KHDRBS1: variants seen among roughly 807,000 people sequenced by gnomAD.
KHDRBS1 encodes KH RNA binding domain containing, signal transduction associated 1.
Under a neutral mutation model 48.4 loss-of-function variants are expected in KHDRBS1, and 7 were observed. The ratio of observed to expected loss-of-function variants is 0.14; its 90% CI spans 0.08 to 0.27. The LOEUF is 0.27. KHDRBS1 is among the 10% of genes least tolerant of loss of function. KHDRBS1 has a pLI of 1.00. For synonymous variants in KHDRBS1, 241 were observed against 235.8 expected, an observed-to-expected ratio of 1.02 and a Z score of -0.20; for missense variants, 458 against 601.2, an observed-to-expected ratio of 0.76 and a Z score of 2.49.
At chr1:32,017,586 G>A (rs1455457992) in intron 1 of KHDRBS1, among the ~76,000 whole-genome samples, 1 of 142,740 alleles carries the variant, frequency 7.0e-6, no homozygotes, top group Non-Finnish European at 1.5e-5. Context: ...ATAGATACCA[G>A]TGTTCTTTTT....
At chr1:32,021,669 T>C (rs117067875) in intron 1 of KHDRBS1, among the ~76,000 whole-genome samples, 2,015 of 152,120 alleles carry the variant, frequency 0.013, 126 homozygotes, top group Admixed American at 0.096. Context: ...CAGGCTGGAG[T>C]GCAGTAACGC....
At position 32,057,400 on chromosome 1, in the gene KHDRBS1, C is replaced by A. The variant is rs114971816; in HGVS notation, n.1302-2763C>A. 5.7e-3 allele frequency among the ~76,000 whole-genome samples: 860 copies of A among 151,896 alleles called. 10 individuals carry two copies. The highest frequency in any genetic ancestry group is 0.02 in the African/African-American group (828 of 41,410). On this transcript the variant is annotated intron_variant and non_coding_transcript_variant, in intron 10 of 10. Transcript: ENST00000484270. ...CCCAGGCTGGTTTCCAACTCCTAGG[C>A]AAAATTGGTCCTCCTATGTTAACCT...
chr1:32,026,746 C>T (rs1388605201), intron 1 of KHDRBS1, among the ~76,000 whole-genome samples: 3 of 152,110 alleles, frequency 2.0e-5, no homozygotes, highest in Admixed American at 1.3e-4. Flanking sequence ...AATGGTAGCC[C>T]TCGGAAGCAC....
chr1:32,038,716 G>A, intron 7 of KHDRBS1, 97 bp downstream of exon 7: 1 of 1,213,138 alleles, frequency 8.2e-7, no homozygotes, highest in Non-Finnish European at 1.2e-6. Context: ...CTAAGGAGCA[G>A]AATGGTTCGC....
chr1:32,026,737 A>G (rs1370912360), intron 1 of KHDRBS1, among the ~76,000 whole-genome samples: 1 of 152,230 alleles, frequency 6.6e-6, no homozygotes, highest in East Asian at 1.9e-4. Flanking sequence ...GTCTAACTCA[A>G]TGGTAGCCCT....
Position 32,036,963 on chromosome 1 carries a change from T to C in KHDRBS1, c.825T>C (p.Asn275=). 6.2e-7 allele frequency: 1 copy of C among 1,614,110 alleles called. No individual in the cohort carries two copies. Among genetic ancestry groups the C allele is most frequent in the Non-Finnish European group, 8.5e-7 (1 of 1,179,994 alleles). ...AATTTCTAGAGCTGTCCTACTTGAA[T>C]GGAGTACCTGAACCCTCTCGTGGAC... ...QEQFLELSYL[N]GVPEPSRGRG... is the part of the protein sequence containing the mutation. The change falls in exon 5 of 9, where the codon AAT becomes AAC. Residue 275 remains asparagine (N), a synonymous_variant. Transcript: ENST00000327300.
intron 4 of KHDRBS1, among the ~76,000 whole-genome samples, chr1:32,035,701 G>A (rs1334045970): frequency 6.6e-6 from 1 of 152,166 alleles, no homozygotes; most frequent in Admixed American, 6.5e-5. Context: ...TGAGCTTCAG[G>A]TTTCTTGTTC....
At chr1:32,045,378 A>G (rs1272845561), downstream of KHDRBS1, 1 of 152,666 alleles carries the variant, frequency 6.6e-6, no homozygotes, top group African/African-American at 2.4e-5. Context: ...TGGGTAGTGA[A>G]GACCCATGTC....
At chr1:32,046,528 TCTTATA>T (rs1327242475), downstream of KHDRBS1, among the ~76,000 whole-genome samples, 4 of 152,198 alleles carry the variant, frequency 2.6e-5, no homozygotes, top group African/African-American at 9.7e-5. Flanking sequence ...AAAGGATATT[TCTTATA>T]CTTAGGAGGT....
chr1:32,017,778 C>A (rs1569760478), intron 1 of KHDRBS1, among the ~76,000 whole-genome samples: 1 of 151,460 alleles, frequency 6.6e-6, no homozygotes, highest in Non-Finnish European at 1.5e-5. Context: ...CGGCTAATTT[C>A]GTATTTTTAG....
chr1:32,056,466 T>C (rs181368347), intron 10 of KHDRBS1, among the ~76,000 whole-genome samples: 14 of 152,362 alleles, frequency 9.2e-5, no homozygotes, highest in African/African-American at 3.4e-4. Context: ...GATGCCTGAA[T>C]TGGCTGTTCC....
intron 1 of KHDRBS1, among the ~76,000 whole-genome samples, chr1:32,016,909 T>C (rs568699930): frequency 2.0e-5 from 3 of 152,168 alleles, no homozygotes; most frequent in Non-Finnish European, 4.4e-5. Flanking sequence ...TGGCCTCTTA[T>C]TAAATATTTC....
intron 4 of KHDRBS1, 99 bp from the exon 5 acceptor site, chr1:32,036,811 C>T (rs1478544493): frequency 6.7e-6 from 9 of 1,343,696 alleles, no homozygotes. Flanking sequence ...TCTGGGCTCT[C>T]AAGAGCTCTT....
intron 2 of KHDRBS1, among the ~76,000 whole-genome samples, chr1:32,030,918 T>G (rs1639069287): frequency 6.6e-6 from 1 of 152,148 alleles, no homozygotes; most frequent in African/African-American, 2.4e-5. Flanking sequence ...TATAGTCTCT[T>G]CTGTTCTGAG....
intron 10 of KHDRBS1, among the ~76,000 whole-genome samples, chr1:32,058,703 G>A (rs937814297): frequency 6.6e-6 from 1 of 152,114 alleles, no homozygotes; most frequent in East Asian, 1.9e-4. Flanking sequence ...CTCGGGAGGT[G>A]GAGGCAGGAG....
intron 3 of KHDRBS1, among the ~76,000 whole-genome samples, chr1:32,032,083 G>A (rs959476845): frequency 2.0e-5 from 3 of 152,156 alleles, no homozygotes; most frequent in African/African-American, 7.2e-5. Flanking sequence ...TTTTATAGCC[G>A]GTTTGGAATG....
intron 1 of KHDRBS1, among the ~76,000 whole-genome samples, chr1:32,019,595 A>G (rs1048172818): frequency 6.6e-6 from 1 of 152,226 alleles, no homozygotes; most frequent in Non-Finnish European, 1.5e-5. Context: ...AAATGGATGA[A>G]CTATAGCTGC....
At chr1:32,015,839 A>G (rs931624470) in intron 1 of KHDRBS1, among the ~76,000 whole-genome samples, 1 of 152,182 alleles carries the variant, frequency 6.6e-6, no homozygotes, top group Non-Finnish European at 1.5e-5. Context: ...CATTGTGCGG[A>G]AGTGAGACTT....
At chr1:32,026,561 T>C (rs1638974347) in intron 1 of KHDRBS1, among the ~76,000 whole-genome samples, 1 of 152,190 alleles carries the variant, frequency 6.6e-6, no homozygotes, top group Non-Finnish European at 1.5e-5. Flanking sequence ...TCTTATACTA[T>C]CACACTGGTC....
Sources: allele counts gnomAD v4.1 joint callset (sites outside exome capture counted in the v4.1 genomes callset), GRCh38; gene constraint gnomAD v4.1.1; transcripts MANE v1.5; gene names NCBI Gene and HGNC (gene_info 2026-07-23, HGNC 2026-07-21).